TDRD9: variants seen among roughly 807,000 people sequenced by gnomAD.
TDRD9 encodes tudor domain containing 9.
TDRD9 carries 124 observed loss-of-function variants against 172.6 expected under a neutral mutation model. That is an observed-to-expected ratio of 0.72 (90% confidence interval 0.62 to 0.83). TDRD9 has a LOEUF of 0.83. Ranked by LOEUF, TDRD9 falls within the 40% of genes least tolerant of loss-of-function variation. TDRD9 has a pLI of 0.00. For synonymous variants in TDRD9, 619 were observed against 617.1 expected (o/e 1.00, Z -0.05); for missense variants, 1,479 against 1,714.1 (o/e 0.86, Z 2.42).
chr14:103,949,597 C>T (rs2031751356), intron 1 of TDRD9, among the ~76,000 whole-genome samples: 2 of 152,212 alleles, frequency 1.3e-5, no homozygotes. Flanking sequence ...AATGGTCAAC[C>T]TCATATATTT....
intron 34 of TDRD9, among the ~76,000 whole-genome samples, chr14:104,043,189 A>C (rs1405674913): frequency 2.6e-5 from 4 of 151,444 alleles, no homozygotes; most frequent in African/African-American, 9.7e-5. Flanking sequence ...ACACCTGGCT[A>C]ATTTTTAAAT....
chr14:104,033,650 G>C (rs1327305534), intron 30 of TDRD9, among the ~76,000 whole-genome samples: 2 of 152,162 alleles, frequency 1.3e-5, no homozygotes, highest in East Asian at 3.9e-4. Flanking sequence ...GTGCAGGACA[G>C]AGGGTCTCGA....
intron 13 of TDRD9, among the ~76,000 whole-genome samples, chr14:104,002,966 TG>T (rs2034312346): frequency 6.6e-6 from 1 of 152,112 alleles, no homozygotes; most frequent in Admixed American, 6.6e-5. Flanking sequence ...CTTTACCTCG[TG>T]ATCTGCCCGC....
At position 103,986,286 on chromosome 14, in the gene TDRD9, C is replaced by T; in HGVS notation, c.1081C>T (p.Gln361Ter). The change falls in exon 8 of 36, where the codon CAG becomes TAG. Residue 361 changes from glutamine to a stop codon, truncating the protein, a stop_gained. Coordinates refer to ENST00000409874, the MANE Select transcript of TDRD9 (RefSeq NM_153046.3). LOFTEE classifies it high-confidence loss of function. ...DIYEVAVSLI[Q>*]MFDDLDMKES... The stretch of plus-strand genomic sequence containing the variant: ...ATATGAAGTTGCTGTCTCTCTCATT[C>T]AGATGTTTGATGACTTGGATATGAA... 1 of 1,613,340 alleles carries T rather than the reference C, an allele frequency of 6.2e-7. No homozygotes were observed. The highest frequency in any genetic ancestry group is 8.5e-7 in the Non-Finnish European group (1 of 1,179,518).
chr14:103,998,669 C>T lies in TDRD9; in HGVS notation c.1424C>T (p.Thr475Ile). The change falls in exon 13 of 36, where the codon ACA becomes ATA. Residue 475 changes from threonine to isoleucine, a missense_variant. Thr to Ile is a moderately conservative substitution (Grantham distance 89). Coordinates refer to ENST00000409874, the MANE Select transcript of TDRD9 (RefSeq NM_153046.3). ...AGAACTTTGGTCTGTGATGAAGATA[C>T]AAATTATCAGAGTCTGCGATTGAGT... ...LTRTLVCDED[T>I]NYQSLRLSWA... is the part of the protein sequence containing the mutation. 6.2e-7 allele frequency: 1 copy of T among 1,611,394 alleles called. No individual in the cohort carries two copies. Among genetic ancestry groups the T allele is most frequent in the Non-Finnish European group, 8.5e-7 (1 of 1,177,784 alleles).
chr14:104,052,133 G>T lies in TDRD9; in HGVS notation c.*51G>T, dbSNP rs2035953032. 7 of 1,352,332 alleles carry T rather than the reference G, an allele frequency of 5.2e-6. No individual in the cohort carries two copies. The South Asian group carries it at 8.9e-5, about 17-fold the overall frequency. The allele number at this position is 1,352,332 out of a possible 1,614,324, so 83.8% of individuals were successfully genotyped here. A position where few individuals can be genotyped will look rare whatever the true frequency, so the allele number is the denominator to read the frequency against. On this transcript the variant is annotated 3_prime_UTR_variant, in exon 36 of 36. Coordinates refer to ENST00000409874, the MANE Select transcript of TDRD9 (RefSeq NM_153046.3). The stretch of plus-strand genomic sequence containing the variant: ...CACCCCTCAGGAAGCTGTGGAGGCT[G>T]GATTCCAGGCTCCCTCCGCAGACTG...
At chr14:103,985,487 G>GT (rs1357035314) in intron 7 of TDRD9, among the ~76,000 whole-genome samples, 9 of 152,164 alleles carry the variant, frequency 5.9e-5, no homozygotes, top group African/African-American at 1.9e-4. Context: ...TCTTTCTTTT[G>GT]TAAATTGCCC....
intron 29 of TDRD9, among the ~76,000 whole-genome samples, chr14:104,031,734 T>C (rs1216577712): frequency 6.6e-6 from 1 of 151,578 alleles, no homozygotes; most frequent in East Asian, 1.9e-4. Flanking sequence ...GCAATTGAAA[T>C]AATAGTATTT....
Position 103,997,319 on chromosome 14 carries a change from G to A in TDRD9, c.1379-1305G>A, listed in dbSNP as rs1176675440. Among the ~76,000 whole-genome samples the A allele has an allele frequency of 6.6e-6, 1 of 152,188 alleles. No individual in the cohort carries two copies. Among genetic ancestry groups the A allele is most frequent in the Non-Finnish European group, 1.5e-5 (1 of 68,032 alleles). On this transcript the variant is annotated intron_variant, in intron 12 of 35. Transcript: ENST00000409874. This position sits in a 1 kb window ranked among gnomAD's most constrained non-coding sequence, Gnocchi z 5.1. Reference sequence around the variant, plus strand: ...AGGAGGTGGGGGTAGATCCCAGGGAGATTCTGAAGGCAGAGCTGGGGAGGA... The same window carrying A: ...AGGAGGTGGGGGTAGATCCCAGGGAAATTCTGAAGGCAGAGCTGGGGAGGA...
intron 23 of TDRD9, among the ~76,000 whole-genome samples, chr14:104,019,054 A>T (rs1464924469): frequency 6.6e-6 from 1 of 152,240 alleles, no homozygotes; most frequent in African/African-American, 2.4e-5. Context: ...TAGAGAATTA[A>T]TTAAACTTGT....
intron 6 of TDRD9, among the ~76,000 whole-genome samples, chr14:103,972,484 A>T (rs2033076906): frequency 6.6e-6 from 1 of 152,218 alleles, no homozygotes; most frequent in South Asian, 2.1e-4. Flanking sequence ...TCTTATTTGA[A>T]CAAAAAGGAA....
chr14:104,030,928 T>C (rs1371150638), intron 28 of TDRD9, among the ~76,000 whole-genome samples, 180 bp from the exon 29 acceptor site: 1 of 152,160 alleles, frequency 6.6e-6, no homozygotes, highest in Non-Finnish European at 1.5e-5. Flanking sequence ...TGTATACATA[T>C]GTAACTAACC....
At position 104,022,220 on chromosome 14, in the gene TDRD9, G is replaced by A; in HGVS notation, c.2496G>A (p.Met832Ile). 6.3e-7 allele frequency: 1 copy of A among 1,597,530 alleles called. No individual in the cohort carries two copies. The highest frequency in any genetic ancestry group is 8.5e-7 in the Non-Finnish European group (1 of 1,171,782). The change falls in exon 24 of 36, where the codon ATG becomes ATA. Residue 832 changes from methionine to isoleucine, a missense_variant. By Grantham distance (10) the Met-to-Ile change is conservative. Coordinates refer to ENST00000409874, the MANE Select transcript of TDRD9 (RefSeq NM_153046.3). ...ERFKTLPAVY[M>I]AIKMSQLKVS... ...TTAAAACCCTTCCTGCAGTATATATGGCAATTAAGATGTCTCAACTAAAAG... is the reference window on the plus strand; with the variant it reads ...TTAAAACCCTTCCTGCAGTATATATAGCAATTAAGATGTCTCAACTAAAAG...
At chr14:103,948,053 G>T (rs903722547) in intron 1 of TDRD9, among the ~76,000 whole-genome samples, 9 of 152,316 alleles carry the variant, frequency 5.9e-5, no homozygotes, top group African/African-American at 2.2e-4. Flanking sequence ...TCACTCTGTT[G>T]CCTAGGCTGG....
chr14:104,042,021 C>A, intron 33 of TDRD9, 48 bp from the exon 34 acceptor site: 2 of 1,196,864 alleles, frequency 1.7e-6, no homozygotes, highest in South Asian at 1.3e-5. Context: ...GGATGAAATT[C>A]AGTTACGACG....
intron 32 of TDRD9, among the ~76,000 whole-genome samples, chr14:104,036,366 A>T (rs1035947753): frequency 6.6e-6 from 1 of 152,182 alleles, no homozygotes. Context: ...TTTTGCAATG[A>T]TGATGCAGTA....
At chr14:103,984,173 A>C (rs1051508748) in intron 7 of TDRD9, among the ~76,000 whole-genome samples, 2 of 152,230 alleles carry the variant, frequency 1.3e-5, no homozygotes, top group African/African-American at 4.8e-5. Flanking sequence ...TTGCAGCCTG[A>C]CAATGCAATA....
At chr14:103,991,611 C>T (rs1422670362) in intron 9 of TDRD9, among the ~76,000 whole-genome samples, 1 of 152,000 alleles carries the variant, frequency 6.6e-6, no homozygotes, top group Non-Finnish European at 1.5e-5. Context: ...TGAGCTTTCA[C>T]CATGTTGGCC....
intron 19 of TDRD9, among the ~76,000 whole-genome samples, chr14:104,007,882 A>G (rs963905528): frequency 1.3e-5 from 2 of 151,710 alleles, no homozygotes; most frequent in Non-Finnish European, 2.9e-5. Flanking sequence ...GGCTAACACC[A>G]TTCTCCTGCT....
Sources: allele counts gnomAD v4.1 joint callset (sites outside exome capture counted in the v4.1 genomes callset), GRCh38; gene constraint gnomAD v4.1.1; non-coding constraint Gnocchi (gnomAD v3.1); transcripts MANE v1.5; gene names NCBI Gene and HGNC (gene_info 2026-07-23, HGNC 2026-07-21).